The following KLHL29 variants were observed in gnomAD, a reference collection of about 807,000 sequenced individuals.
KLHL29 encodes the protein kelch-like protein 29.
In KLHL29, 21 loss-of-function variants were observed where a neutral mutation model predicts 80.4. The observed-to-expected ratio is 0.26, with a 90% CI of 0.19 to 0.38. KLHL29 has a LOEUF of 0.38. KLHL29 is among the 10% of genes least tolerant of loss of function. The pLI is 1.00. For synonymous variants in KLHL29, 511 were observed against 526.8 expected, an observed-to-expected ratio of 0.97 and a Z score of 0.41; for missense variants, 867 against 1,223.9, an observed-to-expected ratio of 0.71 and a Z score of 4.35.
At chr2:23,658,583 G>A (rs1457227892) in intron 5 of KLHL29, among the ~76,000 whole-genome samples, 2 of 152,190 alleles carry the variant, frequency 1.3e-5, no homozygotes, top group African/African-American at 4.8e-5. Context: ...GGGAAGGGGA[G>A]GTGGCCGTCC....
chr2:23,512,032 A>G (rs12617382), intron 2 of KLHL29, among the ~76,000 whole-genome samples: 21,415 of 152,272 alleles, frequency 0.14, 2,200 homozygotes, highest in East Asian at 0.56. Flanking sequence ...AACAACATGC[A>G]TGGCGGTGAC....
chr2:23,492,478 G>A (rs1436575724), intron 2 of KLHL29, among the ~76,000 whole-genome samples: 2 of 152,178 alleles, frequency 1.3e-5, no homozygotes, highest in Non-Finnish European at 2.9e-5. Context: ...CAGCTTATTG[G>A]ACGAGGGGCA....
intron 3 of KLHL29, among the ~76,000 whole-genome samples, chr2:23,570,743 T>C (rs1667698061): frequency 6.6e-6 from 1 of 152,226 alleles, no homozygotes; most frequent in South Asian, 2.1e-4. Flanking sequence ...GGGTAGGGAA[T>C]GGGGGAATCC....
At chr2:23,624,312 C>G (rs1669256733) in intron 3 of KLHL29, among the ~76,000 whole-genome samples, 1 of 152,140 alleles carries the variant, frequency 6.6e-6, no homozygotes. Flanking sequence ...GGACCAGGTA[C>G]CAGATAGGAA....
chr2:23,676,404 G>A (rs1017023607), intron 5 of KLHL29, among the ~76,000 whole-genome samples: 4 of 152,190 alleles, frequency 2.6e-5, no homozygotes, highest in Non-Finnish European at 4.4e-5. Context: ...GGATGGTCTT[G>A]ATCTCCTGAC....
intron 3 of KLHL29, among the ~76,000 whole-genome samples, chr2:23,602,374 C>CAG (rs1668594228): frequency 6.6e-6 from 1 of 152,186 alleles, no homozygotes; most frequent in Non-Finnish European, 1.5e-5. Context: ...GGCTCCTGCA[C>CAG]AGAGGCCTCC....
At chr2:23,388,771 A>G (rs1403785611) in intron 1 of KLHL29, among the ~76,000 whole-genome samples, 1 of 151,878 alleles carries the variant, frequency 6.6e-6, no homozygotes, top group Non-Finnish European at 1.5e-5. Context: ...ATTTTTTTTC[A>G]TCAACTCAAA....
intron 1 of KLHL29, among the ~76,000 whole-genome samples, chr2:23,453,435 C>T (rs1018760799): frequency 2.6e-5 from 4 of 152,252 alleles, no homozygotes; most frequent in African/African-American, 9.6e-5. Context: ...TTCAGAAATG[C>T]GATTGAAAAT....
intron 1 of KLHL29, among the ~76,000 whole-genome samples, chr2:23,429,676 C>T (rs1663114379): frequency 6.6e-6 from 1 of 152,126 alleles, no homozygotes; most frequent in Non-Finnish European, 1.5e-5. Flanking sequence ...ATTGCTTGAA[C>T]CTGGGAGGCA....
chr2:23,387,882 A>G (rs746664696), intron 1 of KLHL29, among the ~76,000 whole-genome samples: 1 of 152,248 alleles, frequency 6.6e-6, no homozygotes, highest in Non-Finnish European at 1.5e-5. Flanking sequence ...GGGCTGATGC[A>G]TCTAACCAAT....
chr2:23,690,614 A>AGG (rs1345930780), intron 6 of KLHL29: 1 of 151,978 alleles, frequency 6.6e-6, no homozygotes, highest in Non-Finnish European at 1.5e-5. Flanking sequence ...GACCGGGCTC[A>AGG]GGGTGGGAAG....
At chr2:23,452,907 C>T (rs1663926719) in intron 1 of KLHL29, among the ~76,000 whole-genome samples, 2 of 139,650 alleles carry the variant, frequency 1.4e-5, no homozygotes, top group Non-Finnish European at 3.0e-5. Flanking sequence ...TGGTCACCCC[C>T]CCGCCCACAC....
At chr2:23,463,412 G>A (rs553891151) in intron 1 of KLHL29, among the ~76,000 whole-genome samples, 3 of 152,116 alleles carry the variant, frequency 2.0e-5, no homozygotes, top group Middle Eastern at 3.4e-3. Flanking sequence ...GGATATATTC[G>A]ATATCTTGAA....
intron 2 of KLHL29, among the ~76,000 whole-genome samples, chr2:23,481,811 G>A (rs1664805395): frequency 1.3e-5 from 2 of 152,302 alleles, no homozygotes; most frequent in Non-Finnish European, 2.9e-5. Context: ...CAACTGTTCG[G>A]GAGGCTGAGG....
intron 2 of KLHL29, among the ~76,000 whole-genome samples, chr2:23,548,798 CA>C: frequency 6.6e-6 from 1 of 152,244 alleles, no homozygotes; most frequent in Non-Finnish European, 1.5e-5. Context: ...ATGCAACCAT[CA>C]TTATTTTTAA....
intron 5 of KLHL29, among the ~76,000 whole-genome samples, chr2:23,660,043 C>G (rs1023474536): frequency 2.0e-5 from 3 of 152,140 alleles, no homozygotes; most frequent in African/African-American, 7.2e-5. Context: ...CTATCTAGAC[C>G]TATCTTTAGC....
chr2:23,442,839 A>T (rs528863459), intron 1 of KLHL29, among the ~76,000 whole-genome samples: 10 of 152,174 alleles, frequency 6.6e-5, no homozygotes, highest in Non-Finnish European at 1.3e-4. Context: ...CATTATTCAA[A>T]CTGGCAGACA....
intron 3 of KLHL29, among the ~76,000 whole-genome samples, chr2:23,631,693 G>A (rs1212432003): frequency 1.3e-5 from 2 of 152,232 alleles, no homozygotes; most frequent in Non-Finnish European, 2.9e-5. Context: ...ATCAGGAAAT[G>A]AGAACTGAGA....
At chr2:23,427,917 G>A (rs1206923529) in intron 1 of KLHL29, among the ~76,000 whole-genome samples, 1 of 152,156 alleles carries the variant, frequency 6.6e-6, no homozygotes, top group East Asian at 1.9e-4. Context: ...GCTCATGGAG[G>A]CTCCTATCTG....
Sources: allele counts gnomAD v4.1 joint callset (sites outside exome capture counted in the v4.1 genomes callset), GRCh38; gene constraint gnomAD v4.1.1; transcripts MANE v1.5; gene names NCBI Gene and HGNC (gene_info 2026-07-23, HGNC 2026-07-21).